The following ANKHD1 variants were observed in gnomAD, a reference collection of about 807,000 sequenced individuals.
The protein encoded by ANKHD1 is ankyrin repeat and KH domain-containing protein 1.
In ANKHD1, 31 loss-of-function variants were observed where a neutral mutation model predicts 230.5. The observed-to-expected ratio is 0.13, with a 90% CI of 0.10 to 0.18. ANKHD1 has a LOEUF of 0.18. Among genes scored for constraint, ANKHD1 ranks in the 10% least tolerant of loss-of-function variants. The pLI is 1.00. For synonymous variants in ANKHD1, 1,074 were observed against 1,117.6 expected, an observed-to-expected ratio of 0.96 and a Z score of 0.78; for missense variants, 2,256 against 3,071.3, an observed-to-expected ratio of 0.73 and a Z score of 6.27.
In ANKHD1 at chr5:140,453,685, G is replaced by A. The variant is rs1581268071; in HGVS notation, c.1242+4380G>A. 7.9e-5 allele frequency among the ~76,000 whole-genome samples: 12 copies of A among 152,222 alleles called. No homozygotes were observed. The South Asian group carries it at 2.3e-3, about 29-fold the overall frequency. Reference sequence around the variant, plus strand: ...TGCTGAGAGATTTTGTCACCACCAGGCCTGCCCTAAAAGAGCTCCTGAAGG... The same window carrying A: ...TGCTGAGAGATTTTGTCACCACCAGACCTGCCCTAAAAGAGCTCCTGAAGG... On this transcript the variant is annotated intron_variant, in intron 7 of 33. Transcript: ENST00000360839.
At position 140,464,663 on chromosome 5, in the gene ANKHD1, C is replaced by T. The variant is rs1292961752; in HGVS notation, c.1673-4C>T. ...AAGTAAATGTATGCTTTTTTGTTTG[C>T]TAGGCGCTAATGTGCATGCTACAAC... On this transcript the variant is annotated splice_region_variant and splice_polypyrimidine_tract_variant and intron_variant, in intron 9 of 33. Coordinates refer to ENST00000360839, the MANE Select transcript of ANKHD1 (RefSeq NM_017747.3). 5.2e-6 allele frequency: 8 copies of T among 1,527,112 alleles called. No homozygotes were observed. The Admixed American group carries it at 5.6e-5, about 11-fold the overall frequency. 94.6% of individuals were successfully genotyped at this position (1,527,112 alleles called of 1,614,324 possible). A position where few individuals can be genotyped will look rare whatever the true frequency, so the allele number is the denominator to read the frequency against.
intron 10 of ANKHD1, among the ~76,000 whole-genome samples, chr5:140,474,595 C>CTT (rs1750862089): frequency 7.6e-6 from 1 of 131,470 alleles, no homozygotes; most frequent in African/African-American, 2.9e-5. Context: ...TTTTTTTTTT[C>CTT]TTCTTTTTTT....
intron 10 of ANKHD1, 72 bp downstream of exon 10, chr5:140,464,848 A>G (rs1775973741): frequency 1.4e-6 from 2 of 1,413,146 alleles, no homozygotes; most frequent in Non-Finnish European, 1.9e-6. Context: ...TTTAGAAAAC[A>G]CTAAAGATCA....
At chr5:140,512,750 T>A in intron 22 of ANKHD1, 78 bp from the exon 23 acceptor site, 1 of 1,347,178 alleles carries the variant, frequency 7.4e-7, no homozygotes. Context: ...AATTCTGTTG[T>A]TTTACTTTCT....
Position 140,441,060 on chromosome 5 carries a change from G to A in ANKHD1, c.831G>A (p.Met277Ile), listed in dbSNP as rs1339111898. The stretch of plus-strand genomic sequence containing the variant: ...ATAAAGGAGACATAACTCCCCTGAT[G>A]GCAGCTTCCAGTGGAGGTTACTTAG... ...RGNKGDITPL[M>I]AASSGGYLDI... Residue 277 changes from methionine to isoleucine, a missense_variant, in exon 5 of 34, where the codon ATG becomes ATA. Physicochemically the swap from Met to Ile is conservative, Grantham distance 10. Around this residue, in one of 13 missense-constraint regions of ANKHD1, gnomAD observed 206 missense variants for 304.5 expected, o/e 0.68. Transcript: ENST00000360839. 6.2e-7 allele frequency: 1 copy of A among 1,612,152 alleles called. No homozygotes were observed. Among genetic ancestry groups the A allele is most frequent in the Admixed American group, 1.7e-5 (1 of 59,622 alleles).
chr5:140,459,326 T>C lies in ANKHD1; in HGVS notation c.1643T>C (p.Leu548Pro). Residue 548 changes from leucine (L) to proline (P), a missense_variant, in exon 9 of 34, where the codon CTG becomes CCG. Leu to Pro is a moderately conservative substitution (Grantham distance 98). This residue lies in a region of ANKHD1 where 179 missense variants were observed against 261.8 expected (regional missense o/e 0.68). Transcript: ENST00000360839. ...ATGGAGGCATCTCAGGAGGGACACCTGGAATTGGTTAAATATTTGCTGGCT... is the reference window on the plus strand; with the variant it reads ...ATGGAGGCATCTCAGGAGGGACACCCGGAATTGGTTAAATATTTGCTGGCT... Reference protein sequence around the residue: ...PLMEASQEGHLELVKYLLASG... With the variant: ...PLMEASQEGHPELVKYLLASG... The C allele has an allele frequency of 6.3e-7, 1 of 1,574,954 alleles. No individual in the cohort carries two copies. The highest frequency in any genetic ancestry group is 1.7e-5 in the Admixed American group (1 of 58,502).
chr5:140,494,580 T>G (rs1487974548), intron 14 of ANKHD1, among the ~76,000 whole-genome samples: 1 of 152,172 alleles, frequency 6.6e-6, no homozygotes, highest in Non-Finnish European at 1.5e-5. Context: ...GGTGAAAAAC[T>G]TAGACTTTTT....
chr5:140,439,631 C>G (rs1401898087), intron 3 of ANKHD1, among the ~76,000 whole-genome samples: 3 of 152,052 alleles, frequency 2.0e-5, no homozygotes, highest in Non-Finnish European at 4.4e-5. Flanking sequence ...GATTGTGCCA[C>G]TGCATTCCAG....
At chr5:140,496,443 C>CTTTTTTTTTTTTTCTTTTCTTTTTTTT (rs368980981) in intron 14 of ANKHD1, 77 bp from the exon 15 acceptor site, 1 of 652,574 alleles carries the variant, frequency 1.5e-6, no homozygotes. Context: ...GGCTGGTTTT[C>CTTTTTTTTTTTTTCTTTTCTTTTTTTT]TTTTTTTTTT....
At chr5:140,518,019 G>T (rs984848697) in intron 24 of ANKHD1, among the ~76,000 whole-genome samples, 7 of 151,950 alleles carry the variant, frequency 4.6e-5, no homozygotes, top group Non-Finnish European at 1.0e-4. Context: ...TTTTTGAAAG[G>T]ATCAACAAAA....
intron 3 of ANKHD1, 107 bp from the exon 4 acceptor site, chr5:140,440,012 A>T (rs1773738102): frequency 7.7e-7 from 1 of 1,298,620 alleles, no homozygotes; most frequent in Non-Finnish European, 9.9e-7. Flanking sequence ...TTTTTCTTTT[A>T]CTGCATTAAC....
At chr5:140,457,874 T>C (rs1295849486) in intron 7 of ANKHD1, among the ~76,000 whole-genome samples, 2 of 151,990 alleles carry the variant, frequency 1.3e-5, no homozygotes, top group African/African-American at 4.8e-5. Flanking sequence ...CCTACATAAA[T>C]TTTGACATTA....
At chr5:140,512,960 T>C in intron 23 of ANKHD1, 37 bp downstream of exon 23, 2 of 1,544,772 alleles carry the variant, frequency 1.3e-6, no homozygotes, top group African/African-American at 1.4e-5. Context: ...ATTTTTGTTC[T>C]TTGTGGAATG....
chr5:140,534,391 C>CAA (rs1208990002), intron 29 of ANKHD1, among the ~76,000 whole-genome samples: 4 of 84,624 alleles, frequency 4.7e-5, no homozygotes, highest in Non-Finnish European at 7.3e-5. Flanking sequence ...GACTCCGTCT[C>CAA]AAAAAAAAAA....
chr5:140,443,351 G>T (rs540857008), intron 5 of ANKHD1, among the ~76,000 whole-genome samples: 2 of 152,076 alleles, frequency 1.3e-5, no homozygotes, highest in South Asian at 2.1e-4. Flanking sequence ...CAATTGCTTT[G>T]TTCTGGTTAA....
chr5:140,464,091 C>A (rs1399717525), intron 9 of ANKHD1, among the ~76,000 whole-genome samples: 1 of 151,988 alleles, frequency 6.6e-6, no homozygotes, highest in East Asian at 1.9e-4. Flanking sequence ...CAAAAATTAG[C>A]CAAGCGTGGT....
chr5:140,419,286 C>G (rs1771669486), intron 1 of ANKHD1, among the ~76,000 whole-genome samples: 2 of 138,682 alleles, frequency 1.4e-5, no homozygotes, highest in South Asian at 5.1e-4. Flanking sequence ...AATATCTATT[C>G]AAATATTTTT....
rs141044862 is a variant in ANKHD1 at position 140,419,288 on chromosome 5, A to G, written c.307-16816A>G. Among the ~76,000 whole-genome samples, 573 of 131,696 alleles carry G rather than the reference A, an allele frequency of 4.4e-3. 1 individual carries two copies. The highest frequency in any genetic ancestry group is 0.015 in the African/African-American group (551 of 36,312). 86.4% of individuals were successfully genotyped at this position (131,696 alleles called of 152,430 possible). A position where few individuals can be genotyped will look rare whatever the true frequency, so the allele number is the denominator to read the frequency against. On this transcript the variant is annotated intron_variant, in intron 1 of 33. Coordinates refer to ENST00000360839, the MANE Select transcript of ANKHD1 (RefSeq NM_017747.3). Reference sequence around the variant, plus strand: ...ATATCTTTGAAGAAATATCTATTCAAATATTTTTCCTGTTGATTGGGTTTT... The same window carrying G: ...ATATCTTTGAAGAAATATCTATTCAGATATTTTTCCTGTTGATTGGGTTTT...
chr5:140,485,709 C>G lies in ANKHD1; in HGVS notation c.2119C>G (p.Pro707Ala). Residue 707 changes from proline to alanine, a missense_variant, in exon 13 of 34, where the codon CCA (proline) becomes GCA (alanine). Physicochemically the swap from Pro to Ala is conservative, Grantham distance 27. Coordinates refer to ENST00000360839, the MANE Select transcript of ANKHD1 (RefSeq NM_017747.3). This position sits in a 1 kb window ranked among gnomAD's most constrained non-coding sequence, Gnocchi z 4.8. ...CACCACAGATGTGTCTCAGCTCCCT[C>G]CACCTTCTCAAGATCAGTCTCAGGT... is the stretch of plus-strand genomic sequence containing the variant. ...VPTTDVSQLP[P>A]PSQDQSQVPR... is the part of the protein sequence containing the mutation. 6.2e-7 allele frequency: 1 copy of G among 1,614,028 alleles called. No homozygotes were observed. The highest frequency in any genetic ancestry group is 1.1e-5 in the South Asian group (1 of 91,076).
Sources: allele counts gnomAD v4.1 joint callset (sites outside exome capture counted in the v4.1 genomes callset), GRCh38; gene constraint gnomAD v4.1.1; regional missense constraint gnomAD v4.1.1; non-coding constraint Gnocchi (gnomAD v3.1); transcripts MANE v1.5; gene names NCBI Gene and HGNC (gene_info 2026-07-23, HGNC 2026-07-21).